Variants in NEBL observed in about 807,000 individuals in gnomAD.
NEBL encodes nebulette.
NEBL carries 122 observed loss-of-function variants against 140.2 expected under a neutral mutation model. That is an observed-to-expected ratio of 0.87 (90% confidence interval 0.75 to 1.01). NEBL has a LOEUF of 1.01. Among genes scored for constraint, NEBL ranks in the 50% least tolerant of loss-of-function variants. The pLI is 0.00. For synonymous variants in NEBL, 436 were observed against 398.9 expected, an observed-to-expected ratio of 1.09 and a Z score of -1.11; for missense variants, 1,365 against 1,231.3, an observed-to-expected ratio of 1.11 and a Z score of -1.62.
At chr10:20,803,791 C>T (rs1455283204) in intron 26 of NEBL, among the ~76,000 whole-genome samples, 1 of 144,270 alleles carries the variant, frequency 6.9e-6, no homozygotes, top group African/African-American at 2.6e-5. Context: ...ATCATGGAGA[C>T]TTCTTTCCTT....
intron 1 of NEBL, among the ~76,000 whole-genome samples, chr10:21,291,786 A>T (rs1206117373): frequency 1.3e-5 from 2 of 151,854 alleles, no homozygotes; most frequent in Non-Finnish European, 2.9e-5. Flanking sequence ...GTGGTGGTGG[A>T]CGCCTGTAAT....
intron 4 of NEBL, among the ~76,000 whole-genome samples, chr10:20,924,473 C>A (rs1257399137): frequency 7.3e-6 from 1 of 136,606 alleles, no homozygotes; most frequent in African/African-American, 2.7e-5. Flanking sequence ...ACTTCGTTCA[C>A]CAAAATAAGC....
chr10:21,068,028 C>T (rs1835648173), intron 2 of NEBL, among the ~76,000 whole-genome samples: 1 of 152,016 alleles, frequency 6.6e-6, no homozygotes, highest in South Asian at 2.1e-4. Context: ...TACAACATGC[C>T]TAGAGGAACT....
intron 4 of NEBL, among the ~76,000 whole-genome samples, chr10:20,937,861 T>C (rs1424044697): frequency 6.6e-6 from 1 of 152,120 alleles, no homozygotes; most frequent in East Asian, 1.9e-4. Context: ...CAGTCTGAGA[T>C]CAAACTGCAA....
chr10:21,115,243 C>A (rs1838227269), intron 2 of NEBL, among the ~76,000 whole-genome samples: 2 of 151,844 alleles, frequency 1.3e-5, no homozygotes, highest in East Asian at 3.9e-4. Flanking sequence ...TACCATAATA[C>A]CTTGTTATAA....
intron 4 of NEBL, among the ~76,000 whole-genome samples, chr10:20,953,530 T>G (rs1033357404): frequency 7.0e-5 from 5 of 71,198 alleles, no homozygotes; most frequent in South Asian, 3.5e-4. Flanking sequence ...TTTTTTTTTG[T>G]AGGCTCTTGG....
chr10:21,066,359 T>C (rs546685306), intron 2 of NEBL, among the ~76,000 whole-genome samples: 3 of 152,238 alleles, frequency 2.0e-5, no homozygotes, highest in Non-Finnish European at 2.9e-5. Flanking sequence ...AATAAAATTC[T>C]CTATTTCTTA....
chr10:20,786,710 G>A lies in NEBL; in HGVS notation c.2868+492C>T, dbSNP rs149123785. On this transcript the variant is annotated intron_variant, in intron 27 of 27. Transcript: ENST00000377122. ...GGGCTTGTAGAAGAAATTTCTGCATGAGAAGCCAAGTATAACTAGCAAATG... is the reference window on the plus strand; with the variant it reads ...GGGCTTGTAGAAGAAATTTCTGCATAAGAAGCCAAGTATAACTAGCAAATG... 2.2e-3 allele frequency among the ~76,000 whole-genome samples: 340 copies of A among 152,306 alleles called. 1 individual carries two copies. The highest frequency in any genetic ancestry group is 3.7e-3 in the Non-Finnish European group (253 of 68,022).
chr10:20,952,922 A>AG lies in NEBL; in HGVS notation c.357+8749_357+8750insC, dbSNP rs1244905991. 1.2e-3 allele frequency among the ~76,000 whole-genome samples: 173 copies of AG among 149,304 alleles called. 1 individual carries two copies. Among genetic ancestry groups the AG allele is most frequent in the African/African-American group, 4.0e-3 (162 of 40,786 alleles). The stretch of plus-strand genomic sequence containing the variant: ...CCTGTCTCAAAAAAAAAAAAAAAAA[A>AG]AAAGAAAAAGAAAAAAGAAAAGAAA... On this transcript the variant is annotated intron_variant, in intron 4 of 6. Transcript: ENST00000417816.
intron 1 of NEBL, among the ~76,000 whole-genome samples, chr10:21,277,813 T>C (rs1271587509): frequency 2.0e-5 from 3 of 151,990 alleles, no homozygotes; most frequent in Admixed American, 6.6e-5. Flanking sequence ...AAAGTCATTT[T>C]TTTCTTTCTT....
intron 3 of NEBL, among the ~76,000 whole-genome samples, chr10:21,015,297 C>T (rs1838510634): frequency 6.6e-6 from 1 of 152,158 alleles, no homozygotes; most frequent in East Asian, 1.9e-4. Context: ...ACGGTAGCTC[C>T]ATGTTGTTGT....
At chr10:21,277,068 G>A (rs565506768) in intron 1 of NEBL, among the ~76,000 whole-genome samples, 1 of 152,162 alleles carries the variant, frequency 6.6e-6, no homozygotes, top group African/African-American at 2.4e-5. Context: ...GGTCAAGGCT[G>A]CAGTGAGTCA....
At position 21,166,169 on chromosome 10, in the gene NEBL, G is replaced by A. The variant is rs575443177; in HGVS notation, c.164+6214C>T. 1.0e-4 allele frequency among the ~76,000 whole-genome samples: 13 copies of A among 129,466 alleles called. No individual in the cohort carries two copies. The South Asian group carries it at 2.1e-3, about 20-fold the overall frequency. The allele number at this position is 129,466 out of a possible 152,430, so 84.9% of individuals were successfully genotyped here. ...CGGGAGGCGGAGCTTGCAGTGAGCC[G>A]AGATCAAGCCACTGCACTCCAGCCT... On this transcript the variant is annotated intron_variant, in intron 2 of 6. Transcript: ENST00000417816.
At chr10:20,924,935 C>T (rs1589021521) in intron 4 of NEBL, among the ~76,000 whole-genome samples, 1 of 152,128 alleles carries the variant, frequency 6.6e-6, no homozygotes. Flanking sequence ...TCTGTCCCTT[C>T]CCTGTCTCCT....
At chr10:21,039,278 T>A (rs750987083) in intron 2 of NEBL, among the ~76,000 whole-genome samples, 4 of 152,306 alleles carry the variant, frequency 2.6e-5, no homozygotes, top group Non-Finnish European at 5.9e-5. Context: ...GCTTTTGGTG[T>A]TTTAGTCATG....
At chr10:20,956,416 A>C (rs1384455589) in intron 4 of NEBL, among the ~76,000 whole-genome samples, 1 of 152,102 alleles carries the variant, frequency 6.6e-6, no homozygotes, top group Non-Finnish European at 1.5e-5. Flanking sequence ...TACTGACCCC[A>C]CTATTTACTG....
At chr10:21,034,675 G>T (rs1040030485) in intron 2 of NEBL, among the ~76,000 whole-genome samples, 1 of 152,174 alleles carries the variant, frequency 6.6e-6, no homozygotes, top group Non-Finnish European at 1.5e-5. Flanking sequence ...ACTGTCTAAC[G>T]GAGGAAACTG....
At chr10:21,019,231 A>G (rs1838682520) in intron 3 of NEBL, among the ~76,000 whole-genome samples, 1 of 152,220 alleles carries the variant, frequency 6.6e-6, no homozygotes, top group African/African-American at 2.4e-5. Flanking sequence ...TAACTACCTC[A>G]TTTAATACTT....
chr10:21,034,668 G>C (rs1489634220), intron 2 of NEBL, among the ~76,000 whole-genome samples: 1 of 152,208 alleles, frequency 6.6e-6, no homozygotes, highest in Non-Finnish European at 1.5e-5. Context: ...GGAGGAAACT[G>C]TCTAACGGAG....
Sources: allele counts gnomAD v4.1 joint callset (sites outside exome capture counted in the v4.1 genomes callset), GRCh38; gene constraint gnomAD v4.1.1; transcripts MANE v1.5; gene names NCBI Gene and HGNC (gene_info 2026-07-23, HGNC 2026-07-21).